Variants in PALD1 observed in about 807,000 individuals in gnomAD.
The protein encoded by PALD1 is paladin.
Under a neutral mutation model 96.0 loss-of-function variants are expected in PALD1, and 57 were observed. The ratio of observed to expected loss-of-function variants is 0.59; its 90% CI spans 0.48 to 0.74. The LOEUF (loss-of-function observed/expected upper bound fraction) is 0.74, where lower values mean the gene tolerates loss of function less well. PALD1 is among the 30% of genes least tolerant of loss of function. PALD1 has a pLI of 0.00. For missense variants in PALD1, 1,063 were observed against 1,143.7 expected, an observed-to-expected ratio of 0.93 and a Z score of 1.02; for synonymous variants, 464 against 473.6, an observed-to-expected ratio of 0.98 and a Z score of 0.26.
intron 18 of PALD1, among the ~76,000 whole-genome samples, chr10:70,559,049 G>A (rs562105823): frequency 1.3e-5 from 2 of 152,272 alleles, no homozygotes; most frequent in African/African-American, 4.8e-5. Context: ...CATGAAGAAA[G>A]GCAGACTTGG....
At position 70,531,413 on chromosome 10, in the gene PALD1, G is replaced by C; in HGVS notation, c.592G>C (p.Gly198Arg). ...TGAGAACCTCCAGGGCCTTGGACCC[G>C]GGGTCCGGGTGGAGAGCCTGGAGCT... ...LHENLQGLGP[G>R]VRVESLELAI... Residue 198 changes from glycine (G) to arginine (R), a missense_variant, in exon 5 of 20, where the codon GGG (glycine) becomes CGG (arginine). Physicochemically the swap from Gly to Arg is moderately radical, Grantham distance 125. Transcript: ENST00000263563. The C allele has an allele frequency of 6.2e-7, 1 of 1,613,946 alleles. No homozygotes were observed.
At chr10:70,509,558 G>A (rs1846471317) in intron 1 of PALD1, among the ~76,000 whole-genome samples, 1 of 152,222 alleles carries the variant, frequency 6.6e-6, no homozygotes, top group African/African-American at 2.4e-5. Flanking sequence ...ACCGGGGTCA[G>A]GGCCAGGCTG....
At chr10:70,483,183 T>A (rs992969920) in intron 1 of PALD1, among the ~76,000 whole-genome samples, 2 of 152,030 alleles carry the variant, frequency 1.3e-5, no homozygotes, top group African/African-American at 2.4e-5. Flanking sequence ...TCACGTGGGC[T>A]TTGAGGGATG....
chr10:70,558,125 T>C (rs1285791744), intron 18 of PALD1, among the ~76,000 whole-genome samples: 1 of 151,830 alleles, frequency 6.6e-6, no homozygotes, highest in Non-Finnish European at 1.5e-5. Flanking sequence ...GTTGTTGTTT[T>C]GGTAGAGACA....
intron 1 of PALD1, among the ~76,000 whole-genome samples, chr10:70,500,892 C>A (rs537200694): frequency 1.3e-5 from 2 of 152,300 alleles, no homozygotes; most frequent in South Asian, 4.1e-4. Context: ...GAAGTCACTT[C>A]CCTGCCGGGG....
At chr10:70,494,656 G>A (rs567446775) in intron 1 of PALD1, among the ~76,000 whole-genome samples, 97 of 152,336 alleles carry the variant, frequency 6.4e-4, no homozygotes, top group Non-Finnish European at 9.7e-4. Flanking sequence ...GCATTTGCAC[G>A]GAAAGGATGG....
In PALD1 at chr10:70,566,761, A is replaced by G; in HGVS notation, c.*28A>G. ...GGCCTTACTCCCTGTCCCCCCACCC[A>G]CAGGGCCCCACGCAGGCCTGGGGTG... On this transcript the variant is annotated 3_prime_UTR_variant, in exon 20 of 20. Coordinates refer to ENST00000263563, the MANE Select transcript of PALD1 (RefSeq NM_014431.3). 2 of 1,508,898 alleles carry G rather than the reference A, an allele frequency of 1.3e-6. No homozygotes were observed. Among genetic ancestry groups the G allele is most frequent in the Non-Finnish European group, 1.8e-6 (2 of 1,111,642 alleles). 93.5% of individuals were successfully genotyped at this position (1,508,898 alleles called of 1,614,324 possible).
the PALD1 span, among the ~76,000 whole-genome samples, chr10:70,467,520 C>G: frequency 0.036 from 5,420 of 152,190 alleles, 282 homozygotes; most frequent in African/African-American, 0.11. Flanking sequence ...CGTCCTAACA[C>G]CCCGCACAGT....
intron 1 of PALD1, among the ~76,000 whole-genome samples, chr10:70,509,805 A>C (rs1190890505): frequency 6.6e-6 from 1 of 152,200 alleles, no homozygotes; most frequent in African/African-American, 2.4e-5. Flanking sequence ...GTCTGGGGGC[A>C]GGAAGCGCTG....
intron 12 of PALD1, 137 bp downstream of exon 12, chr10:70,538,545 C>G: frequency 1.1e-6 from 1 of 918,212 alleles, no homozygotes; most frequent in Non-Finnish European, 1.6e-6. Context: ...TGTTGGGATC[C>G]TCTTGTGAAC....
At chr10:70,478,566 T>C (rs1356184785), upstream of PALD1, among the ~76,000 whole-genome samples, 2 of 152,104 alleles carry the variant, frequency 1.3e-5, no homozygotes, top group South Asian at 2.1e-4. Context: ...CCCCAAACTT[T>C]TCCTCCTCGC....
the PALD1 span, among the ~76,000 whole-genome samples, chr10:70,470,894 T>C: frequency 2.0e-5 from 3 of 152,136 alleles, no homozygotes; most frequent in South Asian, 6.2e-4. Flanking sequence ...CTCCGCCTCC[T>C]GGGTTCAAGT....
intron 1 of PALD1, among the ~76,000 whole-genome samples, chr10:70,515,221 G>T (rs1395441211): frequency 3.9e-5 from 6 of 152,200 alleles, no homozygotes; most frequent in African/African-American, 1.4e-4. Context: ...GGGGGCAGAG[G>T]GTTGGAGAGA....
chr10:70,566,717 C>A lies in PALD1; in HGVS notation c.2555C>A (p.Pro852His). ...EQSCSLEPSA[P>H]EDLL ...AGCTGCAGCCTCGAGCCCTCTGCCCCCGAGGACTTGCTGTAGGGGGCCTTA... is the reference window on the plus strand; with the variant it reads ...AGCTGCAGCCTCGAGCCCTCTGCCCACGAGGACTTGCTGTAGGGGGCCTTA... The change falls in exon 20 of 20, where the codon CCC (proline) becomes CAC (histidine). Residue 852 changes from proline (P) to histidine (H), a missense_variant. Transcript: ENST00000263563. 6.3e-7 allele frequency: 1 copy of A among 1,599,500 alleles called. No homozygotes were observed. The highest frequency in any genetic ancestry group is 2.2e-5 in the East Asian group (1 of 44,522).
At chr10:70,520,215 C>T (rs2132338134) in intron 1 of PALD1, among the ~76,000 whole-genome samples, 1 of 152,228 alleles carries the variant, frequency 6.6e-6, no homozygotes, top group Non-Finnish European at 1.5e-5. Flanking sequence ...AAGCCAGACT[C>T]TATTTTGGAA....
At chr10:70,499,515 C>T (rs1428465249) in intron 1 of PALD1, among the ~76,000 whole-genome samples, 1 of 152,218 alleles carries the variant, frequency 6.6e-6, no homozygotes, top group Non-Finnish European at 1.5e-5. Context: ...CAGGATGTCC[C>T]TCTTGGCAGG....
At chr10:70,481,159 G>A (rs1385453191) in intron 1 of PALD1, among the ~76,000 whole-genome samples, 1 of 152,212 alleles carries the variant, frequency 6.6e-6, no homozygotes, top group Non-Finnish European at 1.5e-5. Context: ...CGGAGCCACA[G>A]GGAAGCCGCT....
At chr10:70,473,030 G>C in the PALD1 span, among the ~76,000 whole-genome samples, 1 of 152,188 alleles carries the variant, frequency 6.6e-6, no homozygotes, top group African/African-American at 2.4e-5. Flanking sequence ...CTTGCCTGAG[G>C]TCACACAGCT....
rs114768497 is a variant in PALD1 at position 70,494,260 on chromosome 10, A to G, written c.-30+15201A>G. Among the ~76,000 whole-genome samples, 217 of 152,286 alleles carry G rather than the reference A, an allele frequency of 1.4e-3. 1 individual carries two copies. The highest frequency in any genetic ancestry group is 5.1e-3 in the African/African-American group (211 of 41,554). ...TCACCTCTTCCCTGCATCTCCTTGT[A>G]TACTATTTTACTAATTTATATAGTT... On this transcript the variant is annotated intron_variant, in intron 1 of 19. Transcript: ENST00000263563.
Sources: gnomAD v4.1 joint callset for allele counts (sites outside exome capture counted in the v4.1 genomes callset) on GRCh38, gnomAD v4.1.1 for gene constraint, MANE v1.5 for transcripts, NCBI Gene and HGNC (gene_info 2026-07-23, HGNC 2026-07-21) for gene names.